NEMP2: variants seen among roughly 807,000 people sequenced by gnomAD.
The protein encoded by NEMP2 is UPF0571 transmembrane protein.
NEMP2 carries 53 observed loss-of-function variants against 54.2 expected under a neutral mutation model. That is an observed-to-expected ratio of 0.98 (90% confidence interval 0.78 to 1.23). The LOEUF (loss-of-function observed/expected upper bound fraction) is 1.23, where lower values mean the gene tolerates loss of function less well. NEMP2 is among the 50% of genes most tolerant of loss of function. The pLI, the probability that NEMP2 is intolerant of heterozygous loss-of-function variation, is 0.00. For missense variants in NEMP2, 455 were observed against 511.3 expected (o/e 0.89, Z 1.06); for synonymous variants, 197 against 190.3 (o/e 1.04, Z -0.29).
chr2:190,636,712 T>A, the NEMP2 span, among the ~76,000 whole-genome samples: 1 of 152,138 alleles, frequency 6.6e-6, no homozygotes, highest in African/African-American at 2.4e-5. Flanking sequence ...AGTCCAAAAT[T>A]TTCATATTTA....
chr2:190,479,530 C>T, the NEMP2 span, among the ~76,000 whole-genome samples: 1 of 152,254 alleles, frequency 6.6e-6, no homozygotes, highest in Non-Finnish European at 1.5e-5. Context: ...ATTAAACATT[C>T]ATGATTTTGA....
chr2:190,497,520 C>T, the NEMP2 span: 3 of 1,614,060 alleles, frequency 1.9e-6, no homozygotes, highest in African/African-American at 4.0e-5. The surrounding 1 kb of genome is among the most constrained non-coding windows in gnomAD (Gnocchi z 5.2). Context: ...CAGCAACAGA[C>T]AGAAGATGTC....
At chr2:190,434,365 G>T in the NEMP2 span, among the ~76,000 whole-genome samples, 1 of 151,992 alleles carries the variant, frequency 6.6e-6, no homozygotes, top group Non-Finnish European at 1.5e-5. The surrounding 1 kb of genome is among the most constrained non-coding windows in gnomAD (Gnocchi z 4.3). Flanking sequence ...TGGGATGCTG[G>T]CACAGTTCCT....
chr2:190,601,813 A>C, the NEMP2 span, among the ~76,000 whole-genome samples: 1 of 152,210 alleles, frequency 6.6e-6, no homozygotes, highest in Non-Finnish European at 1.5e-5. The surrounding 1 kb of genome is among the most constrained non-coding windows in gnomAD (Gnocchi z 5.8). Flanking sequence ...AGTACTAAGA[A>C]TTCTAAGCAA....
upstream of NEMP2, among the ~76,000 whole-genome samples, chr2:190,538,648 TA>T (rs201091123): frequency 2.2e-3 from 321 of 149,012 alleles, no homozygotes; most frequent in Non-Finnish European, 4.1e-3. This position sits in a 1 kb window ranked among gnomAD's most constrained non-coding sequence, Gnocchi z 4.1. Flanking sequence ...TCTTTTTGAT[TA>T]AAAAAAAAAC....
chr2:190,600,004 T>C, the NEMP2 span, among the ~76,000 whole-genome samples: 124,186 of 152,118 alleles, frequency 0.82, 50,793 homozygotes, highest in Admixed American at 0.84. The surrounding 1 kb of genome is among the most constrained non-coding windows in gnomAD (Gnocchi z 4.9). Context: ...TGCTGTACAG[T>C]GCCATCCTAG....
At chr2:190,441,338 T>C in the NEMP2 span, among the ~76,000 whole-genome samples, 5 of 152,004 alleles carry the variant, frequency 3.3e-5, no homozygotes, top group East Asian at 7.7e-4. Context: ...CCCAGACCAA[T>C]TACATCAGTC....
the NEMP2 span, among the ~76,000 whole-genome samples, chr2:190,629,136 T>C: frequency 6.6e-6 from 1 of 152,168 alleles, no homozygotes; most frequent in South Asian, 2.1e-4. Context: ...TTCATCAGAT[T>C]TATCTTGCAG....
the NEMP2 span, among the ~76,000 whole-genome samples, chr2:190,492,045 A>C: frequency 6.6e-6 from 1 of 152,232 alleles, no homozygotes; most frequent in African/African-American, 2.4e-5. The surrounding 1 kb of genome is among the most constrained non-coding windows in gnomAD (Gnocchi z 5.2). Context: ...AGAATCGAAG[A>C]AGCAGAAGAA....
chr2:190,584,959 GAA>G, the NEMP2 span, among the ~76,000 whole-genome samples: 1 of 131,516 alleles, frequency 7.6e-6, no homozygotes, highest in African/African-American at 2.9e-5. The surrounding 1 kb of genome is among the most constrained non-coding windows in gnomAD (Gnocchi z 4.2). Context: ...AAGAAAGAAA[GAA>G]AGAGACATAA....
chr2:190,618,076 C>T, the NEMP2 span, among the ~76,000 whole-genome samples: 8 of 152,128 alleles, frequency 5.3e-5, no homozygotes, highest in South Asian at 4.1e-4. Flanking sequence ...GACCTCTGAA[C>T]GTATTCTATC....
chr2:190,503,020 T>TA (rs1332576786), downstream of NEMP2, among the ~76,000 whole-genome samples: 2 of 152,228 alleles, frequency 1.3e-5, no homozygotes, highest in Non-Finnish European at 2.9e-5. This position sits in a 1 kb window ranked among gnomAD's most constrained non-coding sequence, Gnocchi z 6.3. Context: ...CTGCATCTGT[T>TA]ATGGCAGAGG....
At chr2:190,469,944 A>G in the NEMP2 span, 15 of 870,518 alleles carry the variant, frequency 1.7e-5, no homozygotes, top group Non-Finnish European at 2.7e-5. This position sits in a 1 kb window ranked among gnomAD's most constrained non-coding sequence, Gnocchi z 5.3. Context: ...TGATTCTATA[A>G]AGGAAGGGCA....
At chr2:190,608,252 G>A in the NEMP2 span, 4 of 152,238 alleles carry the variant, frequency 2.6e-5, no homozygotes, top group African/African-American at 4.8e-5. This position sits in a 1 kb window ranked among gnomAD's most constrained non-coding sequence, Gnocchi z 4.9. Context: ...GTCCCAATGT[G>A]CGAGAGTAGT....
chr2:190,499,350 AT>A (rs1038571410), downstream of NEMP2, among the ~76,000 whole-genome samples: 8 of 152,132 alleles, frequency 5.3e-5, no homozygotes, highest in African/African-American at 1.9e-4. This position sits in a 1 kb window ranked among gnomAD's most constrained non-coding sequence, Gnocchi z 6.0. Context: ...GGGAGAATCC[AT>A]TTAAATTTTT....
the NEMP2 span, among the ~76,000 whole-genome samples, chr2:190,475,833 A>C: frequency 2.6e-5 from 4 of 152,198 alleles, no homozygotes; most frequent in East Asian, 7.7e-4. Context: ...TACAGTAACC[A>C]AAACAGCATG....
chr2:190,552,733 T>A, the NEMP2 span, among the ~76,000 whole-genome samples: 13 of 146,790 alleles, frequency 8.9e-5, no homozygotes, highest in Non-Finnish European at 1.2e-4. Context: ...AAAAAAAAAA[T>A]TCTCTTTGCT....
chr2:190,465,660 G>T, the NEMP2 span, among the ~76,000 whole-genome samples: 2 of 152,090 alleles, frequency 1.3e-5, no homozygotes, highest in East Asian at 3.8e-4. The surrounding 1 kb of genome is among the most constrained non-coding windows in gnomAD (Gnocchi z 4.6). Flanking sequence ...TCATTTGCTT[G>T]GGTTACCACA....
At chr2:190,482,313 C>G in the NEMP2 span, among the ~76,000 whole-genome samples, 1 of 151,882 alleles carries the variant, frequency 6.6e-6, no homozygotes, top group African/African-American at 2.4e-5. Context: ...TAGACTTTTT[C>G]TTTTATTGCC....
Sources: allele counts gnomAD v4.1 joint callset (sites outside exome capture counted in the v4.1 genomes callset), GRCh38; gene constraint gnomAD v4.1.1; non-coding constraint Gnocchi (gnomAD v3.1); transcripts MANE v1.5; gene names NCBI Gene and HGNC (gene_info 2026-07-23, HGNC 2026-07-21).